MACF1: variants seen among roughly 807,000 people sequenced by gnomAD.
MACF1 encodes microtubule-actin cross-linking factor 1.
Under a neutral mutation model 854.8 loss-of-function variants are expected in MACF1, and 193 were observed. The observed-to-expected ratio is 0.23, with a 90% CI of 0.20 to 0.25. The LOEUF (loss-of-function observed/expected upper bound fraction) is 0.25. MACF1 is among the 10% of genes least tolerant of loss of function. The probability of loss-of-function intolerance (pLI) is 1.00; values close to 1 mark genes in which losing one functional copy is unlikely to be tolerated. For synonymous variants in MACF1, 3,185 were observed against 3,226.7 expected, an observed-to-expected ratio of 0.99 and a Z score of 0.44; for missense variants, 7,722 against 8,929.1, an observed-to-expected ratio of 0.86 and a Z score of 5.45.
intron 2 of MACF1, among the ~76,000 whole-genome samples, chr1:39,243,938 T>G (rs1644952533): frequency 6.6e-6 from 1 of 152,102 alleles, no homozygotes; most frequent in Non-Finnish European, 1.5e-5. Flanking sequence ...TGTTAGCTAG[T>G]TCTTTACTCT....
intron 61 of MACF1, among the ~76,000 whole-genome samples, chr1:39,426,746 A>AT (rs1643740364): frequency 6.6e-6 from 1 of 151,910 alleles, no homozygotes; most frequent in African/African-American, 2.4e-5. Flanking sequence ...GTGAGCTATA[A>AT]AGTCTGTAGT....
intron 2 of MACF1, among the ~76,000 whole-genome samples, chr1:39,113,068 C>T (rs1642452387): frequency 6.6e-6 from 1 of 152,136 alleles, no homozygotes; most frequent in Non-Finnish European, 1.5e-5. Flanking sequence ...TTTCTACTGT[C>T]ACCCATCATT....
intron 2 of MACF1, among the ~76,000 whole-genome samples, chr1:39,188,235 C>T (rs1339691990): frequency 1.3e-5 from 2 of 151,850 alleles, no homozygotes; most frequent in East Asian, 1.9e-4. Context: ...CCCAGGAGTT[C>T]AAGACTAGCC....
At chr1:39,374,424 A>G (rs561746380) in intron 52 of MACF1, among the ~76,000 whole-genome samples, 2 of 152,220 alleles carry the variant, frequency 1.3e-5, no homozygotes, top group Non-Finnish European at 2.9e-5. Context: ...TTCTAAAGTT[A>G]AAAGATATTT....
At chr1:39,248,079 C>A (rs1645001996) in intron 2 of MACF1, among the ~76,000 whole-genome samples, 1 of 152,148 alleles carries the variant, frequency 6.6e-6, no homozygotes, top group Non-Finnish European at 1.5e-5. Context: ...CATGAACCAT[C>A]TTCCCCAGTT....
intron 80 of MACF1, among the ~76,000 whole-genome samples, chr1:39,445,072 T>G (rs1316451184): frequency 6.6e-6 from 1 of 152,242 alleles, no homozygotes; most frequent in African/African-American, 2.4e-5. Flanking sequence ...CGTGATGGGC[T>G]TTATGTCCTA....
chr1:39,336,315 G>T lies in MACF1; in HGVS notation c.9727G>T (p.Ala3243Ser), dbSNP rs776441685. ...AACTGGAGAGAAATTTCTAGAAATGGCAAACCCTAATGTTGCAGGTCTAGA... is the reference window on the plus strand; with the variant it reads ...AACTGGAGAGAAATTTCTAGAAATGTCAAACCCTAATGTTGCAGGTCTAGA... Reference protein sequence around the residue: ...ELTGEKFLEMANPNVAGLEAG... With the variant: ...ELTGEKFLEMSNPNVAGLEAG... The change falls in exon 37 of 101, where the codon GCA becomes TCA. Residue 3243 changes from alanine to serine, a missense_variant. Physicochemically the swap from Ala to Ser is moderately conservative, Grantham distance 99. Transcript: ENST00000564288. The T allele has an allele frequency of 3.2e-5, 51 of 1,614,034 alleles. No homozygotes were observed. Among genetic ancestry groups the T allele is most frequent in the Non-Finnish European group, 3.9e-5 (46 of 1,180,034 alleles).
At chr1:39,139,289 C>T (rs1643265179) in intron 2 of MACF1, among the ~76,000 whole-genome samples, 1 of 151,012 alleles carries the variant, frequency 6.6e-6, no homozygotes, top group South Asian at 2.1e-4. Flanking sequence ...AAAATGTTAT[C>T]TGCCACTGTT....
In MACF1 at chr1:39,332,918, A is replaced by T; in HGVS notation, c.6330A>T (p.Ile2110=). 6.2e-7 allele frequency: 1 copy of T among 1,614,176 alleles called. No individual in the cohort carries two copies. The highest frequency in any genetic ancestry group is 2.2e-5 in the East Asian group (1 of 44,890). The change falls in exon 37 of 101, where the codon ATA becomes ATT. Residue 2110 remains isoleucine, a synonymous_variant. Coordinates refer to ENST00000564288, the MANE Select transcript of MACF1 (RefSeq NM_001394062.1). ...AATTAGAGGTACAAAGGCAGTTGAT[A>T]GGTACCCAAAGGGAAGACCAAACAG... is the stretch of plus-strand genomic sequence containing the variant. ...KVKLEVQRQL[I]GTQREDQTAV...
At chr1:39,205,397 A>G (rs1244010930) in intron 1 of MACF1, among the ~76,000 whole-genome samples, 4 of 152,180 alleles carry the variant, frequency 2.6e-5, no homozygotes, top group Non-Finnish European at 5.9e-5. Context: ...ACTGGGCTCA[A>G]AACTGAAGGG....
intron 2 of MACF1, among the ~76,000 whole-genome samples, chr1:39,133,761 G>C (rs556200609): frequency 8.5e-5 from 13 of 152,178 alleles, no homozygotes; most frequent in Non-Finnish European, 1.8e-4. Flanking sequence ...TTTCAAGTAC[G>C]ATACATTGTT....
chr1:39,285,805 A>G (rs768830727), intron 14 of MACF1, 47 bp downstream of exon 14: 1 of 1,600,276 alleles, frequency 6.2e-7, no homozygotes, highest in Admixed American at 1.7e-5. Context: ...CTTACTGCTG[A>G]GGCTCATGGA....
At chr1:39,199,112 A>G (rs1053891304) in intron 2 of MACF1, among the ~76,000 whole-genome samples, 1 of 151,708 alleles carries the variant, frequency 6.6e-6, no homozygotes, top group Non-Finnish European at 1.5e-5. Context: ...CAGCCTCCCA[A>G]GTAGCTGGGA....
chr1:39,463,596 T>G lies in MACF1; in HGVS notation c.21679-16T>G. On this transcript the variant is annotated splice_polypyrimidine_tract_variant and intron_variant, in intron 93 of 100. Transcript: ENST00000564288. ...GCTCTACCCTTTACACTTTCCTTTT[T>G]GTTCACACCCAATAGGTTACAAGAC... 4 of 1,607,836 alleles carry G rather than the reference T, an allele frequency of 2.5e-6. No individual in the cohort carries two copies. In the East Asian group the frequency reaches 8.9e-5, roughly 36 times the overall value.
intron 6 of MACF1, among the ~76,000 whole-genome samples, chr1:39,280,318 TA>T (rs1157674945): frequency 6.6e-6 from 1 of 152,220 alleles, no homozygotes; most frequent in African/African-American, 2.4e-5. Context: ...AGCACAACAC[TA>T]AGTGCAATGG....
At chr1:39,218,077 G>A (rs1431834218) in intron 1 of MACF1, among the ~76,000 whole-genome samples, 1 of 151,394 alleles carries the variant, frequency 6.6e-6, no homozygotes, top group Non-Finnish European at 1.5e-5. Flanking sequence ...TAGCTACTCG[G>A]GAGGCTGAGG....
At chr1:39,400,158 C>CT (rs1389439661) in intron 58 of MACF1, among the ~76,000 whole-genome samples, 1 of 152,140 alleles carries the variant, frequency 6.6e-6, no homozygotes, top group East Asian at 1.9e-4. Context: ...GTCATTGCTA[C>CT]TTACTCAATT....
intron 21 of MACF1, chr1:39,298,741 A>G (rs537832195): frequency 5.1e-6 from 2 of 392,202 alleles, no homozygotes; most frequent in Admixed American, 6.7e-5. Context: ...ATGAAGGATG[A>G]AAACCTGACT....
At chr1:39,178,570 C>CTTAA (rs1475113475) in intron 2 of MACF1, among the ~76,000 whole-genome samples, 2 of 152,132 alleles carry the variant, frequency 1.3e-5, no homozygotes, top group Non-Finnish European at 1.5e-5. Context: ...TTAAGGCATG[C>CTTAA]GGGTCACTGA....
Sources: gnomAD v4.1 joint callset for allele counts (sites outside exome capture counted in the v4.1 genomes callset) on GRCh38, gnomAD v4.1.1 for gene constraint, MANE v1.5 for transcripts, NCBI Gene and HGNC (gene_info 2026-07-23, HGNC 2026-07-21) for gene names.